ZNF804B: variants seen among roughly 807,000 people sequenced by gnomAD.
ZNF804B encodes zinc finger protein 804B.
ZNF804B carries 80 observed loss-of-function variants against 101.4 expected under a neutral mutation model. The observed-to-expected ratio is 0.79, with a 90% confidence interval of 0.66 to 0.95. ZNF804B has a LOEUF of 0.95. Among genes scored for constraint, ZNF804B ranks in the 40% least tolerant of loss-of-function variants. The probability of loss-of-function intolerance (pLI) is 0.00; values close to 1 mark genes in which losing one functional copy is unlikely to be tolerated. For synonymous variants in ZNF804B, 622 were observed against 558.8 expected (o/e 1.11, Z -1.59); for missense variants, 1,673 against 1,561.9 (o/e 1.07, Z -1.20).
intron 1 of ZNF804B, among the ~76,000 whole-genome samples, chr7:89,021,361 G>C (rs1788664802): frequency 6.6e-6 from 1 of 152,180 alleles, no homozygotes; most frequent in African/African-American, 2.4e-5. Flanking sequence ...TGATGGATCA[G>C]CCAACTGAGG....
chr7:88,833,029 T>C (rs570055741), intron 1 of ZNF804B, among the ~76,000 whole-genome samples: 1 of 152,116 alleles, frequency 6.6e-6, no homozygotes, highest in East Asian at 1.9e-4. Context: ...GTCTTCATGC[T>C]AAAATCTGAT....
intron 2 of ZNF804B, among the ~76,000 whole-genome samples, chr7:89,318,546 T>A (rs1476575990): frequency 6.6e-6 from 1 of 152,214 alleles, no homozygotes; most frequent in Non-Finnish European, 1.5e-5. Context: ...GCAGATCACC[T>A]GAGGTCAGGA....
chr7:89,262,707 C>T (rs777319710), intron 2 of ZNF804B, among the ~76,000 whole-genome samples: 1 of 152,034 alleles, frequency 6.6e-6, no homozygotes, highest in Non-Finnish European at 1.5e-5. Context: ...GCTGTGTCCA[C>T]CTTTCTTTTT....
chr7:88,807,962 G>C (rs1306636972), intron 1 of ZNF804B, among the ~76,000 whole-genome samples: 5 of 152,142 alleles, frequency 3.3e-5, no homozygotes, highest in Non-Finnish European at 5.9e-5. Flanking sequence ...ATTGTAAACT[G>C]TCTGGTTGCT....
intron 2 of ZNF804B, among the ~76,000 whole-genome samples, chr7:89,225,560 G>C (rs1480924560): frequency 1.3e-5 from 2 of 151,922 alleles, no homozygotes; most frequent in Non-Finnish European, 2.9e-5. Flanking sequence ...GAATAACTTG[G>C]TTTTTAGAGT....
chr7:88,980,172 T>C (rs1793676753), intron 1 of ZNF804B, among the ~76,000 whole-genome samples: 1 of 152,016 alleles, frequency 6.6e-6, no homozygotes, highest in Admixed American at 6.6e-5. Flanking sequence ...TTAATCTCTT[T>C]ATTACAATTA....
rs116706756 is a variant in ZNF804B, at chr7:89,327,195, A to G, written c.250-149A>G. ...ATCTGCTAAATGTGTCTTGGAGCAG[A>G]GAATAGCAACAATGGAGAAGATACT... On this transcript the variant is annotated intron_variant, in intron 2 of 3. Coordinates refer to ENST00000333190, the MANE Select transcript of ZNF804B (RefSeq NM_181646.5). The G allele has an allele frequency of 4.6e-6, 3 of 653,692 alleles. No homozygotes were observed. The East Asian group carries it at 1.1e-4, about 23-fold the overall frequency. The allele number at this position is 653,692 out of a possible 1,614,324, so 40.5% of individuals were successfully genotyped here.
At chr7:88,923,796 G>A (rs1047408168) in intron 1 of ZNF804B, among the ~76,000 whole-genome samples, 14 of 152,010 alleles carry the variant, frequency 9.2e-5, no homozygotes, top group African/African-American at 2.9e-4. Flanking sequence ...TAAAATAGAA[G>A]TGACTTTAAG....
At chr7:89,272,729 C>A (rs1342745891) in intron 2 of ZNF804B, among the ~76,000 whole-genome samples, 1 of 152,068 alleles carries the variant, frequency 6.6e-6, no homozygotes, top group Non-Finnish European at 1.5e-5. Context: ...TAATCTTCAT[C>A]TTTTTCCCTC....
intron 1 of ZNF804B, among the ~76,000 whole-genome samples, chr7:88,790,959 A>G (rs545333675): frequency 1.3e-5 from 2 of 152,232 alleles, no homozygotes; most frequent in East Asian, 1.9e-4. Flanking sequence ...TCAGTGACCT[A>G]TATAAGTATC....
At position 89,327,371 on chromosome 7, in the gene ZNF804B, T is replaced by C; in HGVS notation, c.277T>C (p.Phe93Leu). The part of the protein sequence containing the change: ...QRLKELKQRE[F>L]ARNVASKSWK... Reference sequence around the variant, plus strand: ...ACTGAAAGAATTAAAGCAACGGGAATTTGCTCGAAATGTAGCTTCTAAGTC... The same window carrying C: ...ACTGAAAGAATTAAAGCAACGGGAACTTGCTCGAAATGTAGCTTCTAAGTC... The change falls in exon 3 of 4, where the codon TTT becomes CTT. Residue 93 changes from phenylalanine to leucine, a missense_variant. Physicochemically the swap from Phe to Leu is conservative, Grantham distance 22. Coordinates refer to ENST00000333190, the MANE Select transcript of ZNF804B (RefSeq NM_181646.5). The C allele has an allele frequency of 6.2e-7, 1 of 1,607,660 alleles. No homozygotes were observed. The highest frequency in any genetic ancestry group is 8.5e-7 in the Non-Finnish European group (1 of 1,177,490).
At chr7:89,256,895 G>A (rs928900712) in intron 2 of ZNF804B, among the ~76,000 whole-genome samples, 7 of 152,076 alleles carry the variant, frequency 4.6e-5, no homozygotes, top group Non-Finnish European at 8.8e-5. Flanking sequence ...ATCTGGTGGC[G>A]ATTATTCAGG....
intron 2 of ZNF804B, among the ~76,000 whole-genome samples, chr7:89,289,370 AC>A (rs371250978): frequency 3.3e-5 from 5 of 152,122 alleles, no homozygotes; most frequent in Non-Finnish European, 7.4e-5. Flanking sequence ...AACAACAACA[AC>A]AAAAAACCTT....
intron 1 of ZNF804B, among the ~76,000 whole-genome samples, chr7:88,939,743 G>A (rs924102775): frequency 2.0e-5 from 3 of 151,328 alleles, no homozygotes; most frequent in African/African-American, 7.3e-5. Context: ...TCCAAATAAA[G>A]TTGTTAAAGC....
intron 1 of ZNF804B, among the ~76,000 whole-genome samples, chr7:89,049,247 A>T (rs1326311994): frequency 6.6e-6 from 1 of 152,158 alleles, no homozygotes; most frequent in Non-Finnish European, 1.5e-5. Flanking sequence ...ACACTGACTG[A>T]TAAGAATGGA....
chr7:88,911,027 G>C (rs1442861747), intron 1 of ZNF804B, among the ~76,000 whole-genome samples: 2 of 151,956 alleles, frequency 1.3e-5, no homozygotes, highest in African/African-American at 4.8e-5. Context: ...CAAATAATCA[G>C]AGAAAACTTA....
At chr7:88,875,461 A>G (rs1404757164) in intron 1 of ZNF804B, among the ~76,000 whole-genome samples, 1 of 152,230 alleles carries the variant, frequency 6.6e-6, no homozygotes, top group African/African-American at 2.4e-5. Flanking sequence ...GACGCAATAA[A>G]AAATCATAAA....
At chr7:89,005,144 C>T (rs1377328460) in intron 1 of ZNF804B, among the ~76,000 whole-genome samples, 1 of 151,986 alleles carries the variant, frequency 6.6e-6, no homozygotes, top group Non-Finnish European at 1.5e-5. Flanking sequence ...CATCACAAAA[C>T]TGTTCCAAAG....
At chr7:88,985,161 A>T (rs1793742137) in intron 1 of ZNF804B, among the ~76,000 whole-genome samples, 2 of 151,868 alleles carry the variant, frequency 1.3e-5, no homozygotes, top group African/African-American at 4.8e-5. Context: ...AACTATATGA[A>T]TTAATGGATG....
Sources: allele counts gnomAD v4.1 joint callset (sites outside exome capture counted in the v4.1 genomes callset), GRCh38; gene constraint gnomAD v4.1.1; transcripts MANE v1.5; gene names NCBI Gene and HGNC (gene_info 2026-07-23, HGNC 2026-07-21).